Variants in PRKCB observed in about 807,000 individuals in gnomAD.
PRKCB encodes the protein protein kinase C beta, also known as protein kinase C beta type.
Under a neutral mutation model 81.5 loss-of-function variants are expected in PRKCB, and 13 were observed. The observed-to-expected ratio is 0.16, with a 90% confidence interval of 0.10 to 0.25. PRKCB has a LOEUF of 0.25. Among genes scored for constraint, PRKCB ranks in the 10% least tolerant of loss-of-function variants. The pLI is 1.00. For missense variants in PRKCB, 509 were observed against 875.7 expected, an observed-to-expected ratio of 0.58 and a Z score of 5.29; for synonymous variants, 335 against 321.4, an observed-to-expected ratio of 1.04 and a Z score of -0.45.
chr16:24,188,209 T>G (rs960704502), intron 15 of PRKCB, among the ~76,000 whole-genome samples: 8 of 152,192 alleles, frequency 5.3e-5, no homozygotes, highest in African/African-American at 1.7e-4. Context: ...ACTATTGAGT[T>G]TGGGGACCAT....
intron 7 of PRKCB, among the ~76,000 whole-genome samples, chr16:24,096,970 T>C (rs1966453017): frequency 6.6e-6 from 1 of 150,406 alleles, no homozygotes; most frequent in Non-Finnish European, 1.5e-5. Context: ...CACACACACA[T>C]CTTTCCTTTC....
In PRKCB at chr16:24,219,100, C is replaced by CAA. The variant is rs1968279199; in HGVS notation, c.*4284_*4285insAA. 1.0e-6 allele frequency: 1 copy of CAA among 985,278 alleles called. No homozygotes were observed. Among genetic ancestry groups the CAA allele is most frequent in the African/African-American group, 1.7e-5 (1 of 57,198 alleles). 61.0% of individuals were successfully genotyped at this position (985,278 alleles called of 1,614,324 possible). On this transcript the variant is annotated 3_prime_UTR_variant, in exon 17 of 17. Transcript: ENST00000643927. ...AGAGGTCGGAGCATCATACAGATTC[C>CAA]TTTATTAGCCCACATTCTGATGTTC...
At chr16:23,944,372 T>G (rs1269588701) in intron 2 of PRKCB, among the ~76,000 whole-genome samples, 4 of 152,260 alleles carry the variant, frequency 2.6e-5, no homozygotes, top group Non-Finnish European at 5.9e-5. Flanking sequence ...ATTTTAAATT[T>G]AGAAAATTAA....
intron 2 of PRKCB, among the ~76,000 whole-genome samples, chr16:23,902,431 A>C (rs1233217137): frequency 6.6e-6 from 1 of 152,148 alleles, no homozygotes; most frequent in Non-Finnish European, 1.5e-5. Flanking sequence ...TGAGGTTAAC[A>C]ATTAAGTTAG....
chr16:23,909,142 G>A (rs578061789), intron 2 of PRKCB, among the ~76,000 whole-genome samples: 29 of 152,246 alleles, frequency 1.9e-4, no homozygotes, highest in African/African-American at 6.5e-4. Flanking sequence ...TTCATGATTC[G>A]CTTCCTTGTT....
At chr16:24,116,955 G>A (rs1966742873) in intron 8 of PRKCB, among the ~76,000 whole-genome samples, 1 of 152,168 alleles carries the variant, frequency 6.6e-6, no homozygotes, top group Non-Finnish European at 1.5e-5. Flanking sequence ...CCAGTAATTG[G>A]CTTGGAATAG....
At chr16:23,882,140 G>A (rs1433408096) in intron 2 of PRKCB, among the ~76,000 whole-genome samples, 1 of 147,468 alleles carries the variant, frequency 6.8e-6, no homozygotes, top group Non-Finnish European at 1.5e-5. Context: ...AGTGCAGTGG[G>A]GCAATCACAG....
chr16:24,095,396 C>T (rs936007019), intron 7 of PRKCB, among the ~76,000 whole-genome samples: 25 of 151,956 alleles, frequency 1.6e-4, no homozygotes, highest in African/African-American at 5.1e-4. Flanking sequence ...AAATGGTCCT[C>T]GTGCACTGAG....
intron 7 of PRKCB, among the ~76,000 whole-genome samples, chr16:24,108,336 T>TA (rs1966606721): frequency 6.8e-6 from 1 of 148,028 alleles, no homozygotes; most frequent in African/African-American, 2.5e-5. Flanking sequence ...TTATTTTATT[T>TA]TTTTTTAAAT....
chr16:23,854,003 T>G (rs1962519710), intron 2 of PRKCB, among the ~76,000 whole-genome samples: 1 of 145,056 alleles, frequency 6.9e-6, no homozygotes, highest in Admixed American at 6.9e-5. Flanking sequence ...CAAGAGAGCG[T>G]GCACAGGGGA....
chr16:24,106,420 C>T (rs1457469507), intron 7 of PRKCB, among the ~76,000 whole-genome samples: 1 of 152,102 alleles, frequency 6.6e-6, no homozygotes, highest in Non-Finnish European at 1.5e-5. Context: ...TCCCAGTGCC[C>T]ATAACCACTA....
At chr16:23,886,417 T>TTTTTTG (rs1567302685) in intron 2 of PRKCB, among the ~76,000 whole-genome samples, 1 of 140,192 alleles carries the variant, frequency 7.1e-6, no homozygotes, top group African/African-American at 2.7e-5. Context: ...TTTTTTTTTT[T>TTTTTTG]TTTTTTTTTT....
At chr16:24,197,365 A>T (rs1452430999) in intron 16 of PRKCB, among the ~76,000 whole-genome samples, 1 of 152,066 alleles carries the variant, frequency 6.6e-6, no homozygotes, top group East Asian at 1.9e-4. Flanking sequence ...GGAGCCATGT[A>T]TATATCTGGG....
chr16:24,012,611 A>G (rs750771519), intron 3 of PRKCB, among the ~76,000 whole-genome samples: 1 of 152,228 alleles, frequency 6.6e-6, no homozygotes, highest in Non-Finnish European at 1.5e-5. Flanking sequence ...TGTTCTTGGG[A>G]CAAAGTAAAT....
chr16:24,174,010 C>T (rs1567401772), intron 11 of PRKCB, among the ~76,000 whole-genome samples: 1 of 151,644 alleles, frequency 6.6e-6, no homozygotes, highest in Non-Finnish European at 1.5e-5. Flanking sequence ...ATAATTCTCT[C>T]TTTTTTGGGG....
At chr16:24,162,475 A>G (rs1596576285) in intron 10 of PRKCB, among the ~76,000 whole-genome samples, 2 of 117,924 alleles carry the variant, frequency 1.7e-5, no homozygotes, top group Non-Finnish European at 3.4e-5. Flanking sequence ...TTGAGACAGG[A>G]TCTCCCTTTG....
At chr16:23,966,453 C>T (rs1452688053) in intron 2 of PRKCB, among the ~76,000 whole-genome samples, 1 of 152,158 alleles carries the variant, frequency 6.6e-6, no homozygotes, top group African/African-American at 2.4e-5. Flanking sequence ...AATAATAAGA[C>T]CTACCACATA....
At chr16:23,956,372 A>T (rs115976015) in intron 2 of PRKCB, among the ~76,000 whole-genome samples, 155 of 152,172 alleles carry the variant, frequency 1.0e-3, no homozygotes, top group African/African-American at 3.7e-3. Flanking sequence ...CCTTATTTAG[A>T]TCCACCTTAT....
chr16:24,219,687 C>T lies in PRKCB; in HGVS notation c.*4871C>T. Reference sequence around the variant, plus strand: ...ACACACACACACACACACACACACACACACACACACACACACCACTTTATG... The same window carrying T: ...ACACACACACACACACACACACACATACACACACACACACACCACTTTATG... On this transcript the variant is annotated 3_prime_UTR_variant, in exon 17 of 17. Coordinates refer to ENST00000643927, the MANE Select transcript of PRKCB (RefSeq NM_002738.7). 1.6e-6 allele frequency: 2 copies of T among 1,269,026 alleles called. No homozygotes were observed. The highest frequency in any genetic ancestry group is 3.5e-5 in the East Asian group (1 of 28,762). 78.6% of individuals were successfully genotyped at this position (1,269,026 alleles called of 1,614,324 possible).
Sources: allele counts gnomAD v4.1 joint callset (sites outside exome capture counted in the v4.1 genomes callset), GRCh38; gene constraint gnomAD v4.1.1; transcripts MANE v1.5; gene names NCBI Gene and HGNC (gene_info 2026-07-23, HGNC 2026-07-21).